The following NLGN4Y variants were observed in gnomAD, a reference collection of about 807,000 sequenced individuals.
The protein encoded by NLGN4Y is neuroligin 4 Y-linked, also known as neuroligin-4, Y-linked.
NLGN4Y carries 4 observed loss-of-function variants against 8.4 expected under a neutral mutation model. The observed-to-expected ratio is 0.48, with a 90% CI of 0.23 to 1.09. NLGN4Y has a LOEUF of 1.09. Ranked by LOEUF, NLGN4Y falls within the 50% of genes least tolerant of loss-of-function variation. The probability of loss-of-function intolerance (pLI) is 0.19; values close to 1 mark genes in which losing one functional copy is unlikely to be tolerated. For missense variants in NLGN4Y, 90 were observed against 192.3 expected (o/e 0.47, Z 3.15); for synonymous variants, 35 against 75.6 (o/e 0.46, Z 2.78).
intron 1 of NLGN4Y, among the ~76,000 whole-genome samples, chrY:14,575,622 T>G: frequency 2.9e-5 from 1 of 34,099 alleles, no homozygotes; most frequent in Non-Finnish European, 7.3e-5. Context: ...TTTGTTCCAT[T>G]GCTGGTGATG....
chrY:14,592,213 C>A (rs2080374597), intron 1 of NLGN4Y, among the ~76,000 whole-genome samples: 1 of 32,386 alleles, frequency 3.1e-5, no homozygotes, highest in Non-Finnish European at 7.5e-5. Context: ...AAAATGAGAT[C>A]ATTTTATCTA....
At chrY:14,559,944 G>C in intron 1 of NLGN4Y, among the ~76,000 whole-genome samples, 1 of 33,385 alleles carries the variant, frequency 3.0e-5, no homozygotes, top group Non-Finnish European at 7.4e-5. Context: ...AAATAGACTA[G>C]GCTATGTTGC....
At chrY:14,664,036 G>T in intron 2 of NLGN4Y, among the ~76,000 whole-genome samples, 1 of 31,975 alleles carries the variant, frequency 3.1e-5, no homozygotes. Flanking sequence ...TGAGGAGAAA[G>T]GAGTTGATCA....
chrY:14,621,430 C>A (rs2080507029), intron 1 of NLGN4Y, among the ~76,000 whole-genome samples: 1 of 33,811 alleles, frequency 3.0e-5, no homozygotes, highest in African/African-American at 1.2e-4. Flanking sequence ...ATAACCTGTA[C>A]AATTCTTGAA....
chrY:14,807,060 A>T (rs957392730), intron 4 of NLGN4Y, among the ~76,000 whole-genome samples: 1 of 33,488 alleles, frequency 3.0e-5, no homozygotes, highest in Admixed American at 2.8e-4. Context: ...TAATGTTACA[A>T]TGTATAAAAA....
At chrY:14,809,422 C>T (rs761129185) in intron 4 of NLGN4Y, among the ~76,000 whole-genome samples, 5 of 33,099 alleles carry the variant, frequency 1.5e-4, no homozygotes, top group African/African-American at 5.9e-4. Context: ...TTGTAGTGAC[C>T]CAAGATTGTG....
At chrY:14,653,695 G>T (rs2080638530) in intron 2 of NLGN4Y, among the ~76,000 whole-genome samples, 1 of 33,145 alleles carries the variant, frequency 3.0e-5, no homozygotes, top group African/African-American at 1.2e-4. Context: ...GACAACAGGC[G>T]CCCGCCACCG....
At position 14,844,003 on chromosome Y, in the gene NLGN4Y, AT is replaced by A. The variant is rs2043238167; in HGVS notation, c.*2745del. 1 of 116,847 alleles carries A rather than the reference AT, an allele frequency of 8.6e-6. No homozygotes were observed. 29.1% of individuals were successfully genotyped at this position (116,847 alleles called of 400,897 possible). On this transcript the variant is annotated 3_prime_UTR_variant, in exon 7 of 7. Transcript: ENST00000684976. The stretch of plus-strand genomic sequence containing the variant: ...TCTGTTCTTTCTTGGTAGGTGGAAT[AT>A]TTTATTTACTTTTGCCATTCTTTGA...
At chrY:14,642,990 G>A (rs1603501924) in intron 2 of NLGN4Y, among the ~76,000 whole-genome samples, 1 of 33,555 alleles carries the variant, frequency 3.0e-5, no homozygotes, top group South Asian at 6.7e-4. Context: ...TCTCAGAGAC[G>A]CTGTCTTTGT....
chrY:14,756,341 G>A, intron 4 of NLGN4Y, among the ~76,000 whole-genome samples: 1 of 33,246 alleles, frequency 3.0e-5, no homozygotes, highest in African/African-American at 1.2e-4. Context: ...CAATTTTCTC[G>A]TTGAATTTTA....
chrY:14,835,051 T>C (rs2043192325), intron 6 of NLGN4Y, among the ~76,000 whole-genome samples: 1 of 33,634 alleles, frequency 3.0e-5, no homozygotes, highest in South Asian at 6.8e-4. Context: ...CATCATGTCA[T>C]GTGTTTTAAA....
At chrY:14,701,620 G>A (rs2080848859) in intron 2 of NLGN4Y, among the ~76,000 whole-genome samples, 1 of 32,913 alleles carries the variant, frequency 3.0e-5, no homozygotes, top group Admixed American at 2.8e-4. Flanking sequence ...ATTCATAGAA[G>A]GCACCTGCAT....
intron 1 of NLGN4Y, among the ~76,000 whole-genome samples, chrY:14,549,190 T>G (rs1401441554): frequency 9.1e-5 from 3 of 33,025 alleles, no homozygotes; most frequent in Non-Finnish European, 1.5e-4. Context: ...CCCCTCTCTT[T>G]CCCATCCCCA....
intron 4 of NLGN4Y, among the ~76,000 whole-genome samples, chrY:14,768,305 C>T (rs374236785): frequency 3.0e-5 from 1 of 33,746 alleles, no homozygotes; most frequent in Admixed American, 2.7e-4. Flanking sequence ...GAAACTCAGG[C>T]GGGTTATATG....
intron 1 of NLGN4Y, among the ~76,000 whole-genome samples, chrY:14,593,809 G>C (rs2080382958): frequency 3.0e-5 from 1 of 33,015 alleles, no homozygotes; most frequent in Non-Finnish European, 7.5e-5. Context: ...GCATTTTTTT[G>C]CCCTTTCAGA....
intron 2 of NLGN4Y, among the ~76,000 whole-genome samples, chrY:14,672,675 G>C: frequency 3.1e-5 from 1 of 31,827 alleles, no homozygotes; most frequent in South Asian, 7.2e-4. Flanking sequence ...ATTGGAAAAA[G>C]CTACTTTAAA....
chrY:14,629,299 G>A (rs2080540514), intron 2 of NLGN4Y, among the ~76,000 whole-genome samples: 2 of 34,035 alleles, frequency 5.9e-5, no homozygotes, highest in African/African-American at 2.3e-4. Context: ...TTATAGCACG[G>A]TTTTCATCCT....
intron 1 of NLGN4Y, among the ~76,000 whole-genome samples, chrY:14,528,726 G>A (rs775374254): frequency 3.6e-4 from 12 of 33,160 alleles, no homozygotes; most frequent in Non-Finnish European, 7.5e-4. Flanking sequence ...AAGAGTAATC[G>A]TCCATACTTT....
rs2080290759 is a variant in NLGN4Y at position 14,574,786 on chromosome Y, G to A, written c.-111-47223G>A. 9.0e-5 allele frequency among the ~76,000 whole-genome samples: 3 copies of A among 33,343 alleles called. No homozygotes were observed. In the East Asian group the frequency reaches 2.3e-3, roughly 26 times the overall value. 89.5% of individuals were successfully genotyped at this position (33,343 alleles called of 37,273 possible). On this transcript the variant is annotated intron_variant, in intron 1 of 6. Transcript: ENST00000684976. ...CAAAAGCTCTTGTAGGGCAGGCCTG[G>A]TGGTGACAAAATCTCTCAGCATTTG...
Sources: allele counts gnomAD v4.1 joint callset (sites outside exome capture counted in the v4.1 genomes callset), GRCh38; gene constraint gnomAD v4.1.1; transcripts MANE v1.5; gene names NCBI Gene and HGNC (gene_info 2026-07-23, HGNC 2026-07-21).